IQCJ: variants seen among roughly 807,000 people sequenced by gnomAD.
IQCJ encodes the protein IQ motif containing J, also known as IQ domain-containing protein J.
IQCJ carries 9 observed loss-of-function variants against 11.0 expected under a neutral mutation model. The ratio of observed to expected loss-of-function variants is 0.82; its 90% confidence interval spans 0.49 to 1.43. The LOEUF is 1.43. Among genes scored for constraint, IQCJ ranks in the 40% most tolerant of loss-of-function variants. The pLI is 0.00. For synonymous variants in IQCJ, 55 were observed against 51.3 expected (o/e 1.07, Z -0.31); for missense variants, 146 against 133.2 (o/e 1.10, Z -0.47).
At chr3:159,216,223 C>T (rs531802018) in intron 1 of IQCJ, among the ~76,000 whole-genome samples, 1 of 152,096 alleles carries the variant, frequency 6.6e-6, no homozygotes, top group East Asian at 1.9e-4. Context: ...ATCAGTGCAT[C>T]ACACAGATGT....
chr3:159,112,689 G>T (rs1032781205), intron 1 of IQCJ, among the ~76,000 whole-genome samples: 1 of 152,124 alleles, frequency 6.6e-6, no homozygotes, highest in East Asian at 1.9e-4. Context: ...TTCGTTGGGG[G>T]CTTTGGGGAG....
At chr3:159,260,627 C>G (rs1455391138) in intron 3 of IQCJ, among the ~76,000 whole-genome samples, 2 of 152,174 alleles carry the variant, frequency 1.3e-5, no homozygotes, top group South Asian at 2.1e-4. Flanking sequence ...CCACCAAACT[C>G]AGGCAGGCAA....
chr3:159,091,666 A>T (rs60188161), intron 1 of IQCJ, among the ~76,000 whole-genome samples: 7 of 79,760 alleles, frequency 8.8e-5, no homozygotes, highest in Non-Finnish European at 1.3e-4. Flanking sequence ...ACACACACAC[A>T]CACGCATGCA....
chr3:159,113,167 C>T (rs1181505356), intron 1 of IQCJ, among the ~76,000 whole-genome samples: 1 of 151,856 alleles, frequency 6.6e-6, no homozygotes, highest in Non-Finnish European at 1.5e-5. Flanking sequence ...TTTAAAGAGC[C>T]CTGGGGCTCC....
intron 1 of IQCJ, among the ~76,000 whole-genome samples, chr3:159,086,322 T>C (rs1257819308): frequency 1.3e-5 from 2 of 152,232 alleles, no homozygotes; most frequent in Admixed American, 6.5e-5. Flanking sequence ...TATTGTAGCC[T>C]TGTAGTATAG....
rs535539522 is a variant in IQCJ, at chr3:159,245,822, T to G, written c.10-21T>G. The G allele has an allele frequency of 1.4e-5, 22 of 1,533,178 alleles. 1 individual carries two copies. In the East Asian group the frequency reaches 2.2e-4, roughly 15 times the overall value. 95.0% of individuals were successfully genotyped at this position (1,533,178 alleles called of 1,614,324 possible). ...AAGTAGCTGGTGACAATTTGTAAGATATATCTTCTCTTTTTCACAGGAAGA... is the reference window on the plus strand; with the variant it reads ...AAGTAGCTGGTGACAATTTGTAAGAGATATCTTCTCTTTTTCACAGGAAGA... On this transcript the variant is annotated intron_variant, in intron 1 of 3. Coordinates refer to ENST00000397832, the MANE Select transcript of IQCJ (RefSeq NM_001042706.3).
chr3:159,210,942 G>A (rs1051473891), intron 1 of IQCJ, among the ~76,000 whole-genome samples: 14 of 152,144 alleles, frequency 9.2e-5, no homozygotes, highest in African/African-American at 3.4e-4. Flanking sequence ...AAGTTGCTGG[G>A]ATTACAGTCA....
chr3:159,091,106 G>A (rs778107034), intron 1 of IQCJ, among the ~76,000 whole-genome samples: 2 of 151,230 alleles, frequency 1.3e-5, no homozygotes, highest in African/African-American at 4.9e-5. Flanking sequence ...TTTTTTTTAA[G>A]AACTATAGTT....
chr3:159,242,568 T>C (rs887692165), intron 1 of IQCJ, among the ~76,000 whole-genome samples: 1 of 87,088 alleles, frequency 1.1e-5, no homozygotes, highest in African/African-American at 4.8e-5. Context: ...GCCAGCTGAA[T>C]CTTTTTTTTT....
intron 1 of IQCJ, among the ~76,000 whole-genome samples, chr3:159,212,831 G>A (rs1451523645): frequency 6.6e-6 from 1 of 152,206 alleles, no homozygotes; most frequent in East Asian, 1.9e-4. Flanking sequence ...GCTGTGAAAA[G>A]AGGAATTTAC....
intron 1 of IQCJ, among the ~76,000 whole-genome samples, chr3:159,211,460 C>T (rs1724945307): frequency 6.6e-6 from 1 of 152,202 alleles, no homozygotes; most frequent in Non-Finnish European, 1.5e-5. Flanking sequence ...AACTTCTTTT[C>T]CCTCTCAAAG....
At chr3:159,118,957 T>A (rs1719191646) in intron 1 of IQCJ, among the ~76,000 whole-genome samples, 1 of 152,180 alleles carries the variant, frequency 6.6e-6, no homozygotes, top group South Asian at 2.1e-4. Context: ...GAATGGAGTT[T>A]GAGGTTGAGG....
chr3:159,161,188 C>T (rs1721833799), intron 1 of IQCJ, among the ~76,000 whole-genome samples: 1 of 152,186 alleles, frequency 6.6e-6, no homozygotes, highest in Non-Finnish European at 1.5e-5. Context: ...TCCTCTCCAG[C>T]ACCTGTTTCC....
chr3:159,181,834 G>A (rs1332434167), intron 1 of IQCJ, among the ~76,000 whole-genome samples: 3 of 151,524 alleles, frequency 2.0e-5, no homozygotes, highest in African/African-American at 7.3e-5. Flanking sequence ...CTGAATTCTT[G>A]CACCATCTCC....
At chr3:159,189,085 G>A (rs1171608724) in intron 1 of IQCJ, among the ~76,000 whole-genome samples, 11 of 152,082 alleles carry the variant, frequency 7.2e-5, no homozygotes, top group Admixed American at 7.2e-4. Context: ...CCTCTGTAAG[G>A]TTCCACATTA....
intron 1 of IQCJ, among the ~76,000 whole-genome samples, chr3:159,186,962 T>C (rs1399780317): frequency 6.6e-6 from 1 of 152,082 alleles, no homozygotes; most frequent in Non-Finnish European, 1.5e-5. Flanking sequence ...AGGTGATGAG[T>C]TTTGAGAACT....
chr3:159,089,271 G>C lies in IQCJ; in HGVS notation c.9+19830G>C, dbSNP rs564761399. 3.9e-5 allele frequency among the ~76,000 whole-genome samples: 6 copies of C among 152,256 alleles called. No homozygotes were observed. In the South Asian group the frequency reaches 1.2e-3, roughly 32 times the overall value. On this transcript the variant is annotated intron_variant, in intron 1 of 3. Transcript: ENST00000397832. The stretch of plus-strand genomic sequence containing the variant: ...CCCCCACTCTCTTCTGGCTTGTAGC[G>C]TTTCTGCCGAAAGATCCGCTGTTAG...
chr3:159,116,471 C>T (rs1719005515), intron 1 of IQCJ, among the ~76,000 whole-genome samples: 1 of 151,550 alleles, frequency 6.6e-6, no homozygotes, highest in Non-Finnish European at 1.5e-5. Flanking sequence ...TTGTGGATCT[C>T]TTAAGTTAGT....
chr3:159,181,614 C>T (rs569432199), intron 1 of IQCJ, among the ~76,000 whole-genome samples: 2 of 151,604 alleles, frequency 1.3e-5, no homozygotes, highest in South Asian at 2.1e-4. Flanking sequence ...TTCCCCATTC[C>T]ACTCAGGCAC....
Sources: gnomAD v4.1 joint callset for allele counts (sites outside exome capture counted in the v4.1 genomes callset) on GRCh38, gnomAD v4.1.1 for gene constraint, MANE v1.5 for transcripts, NCBI Gene and HGNC (gene_info 2026-07-23, HGNC 2026-07-21) for gene names.